The following CSMD1 variants were observed in gnomAD, a reference collection of about 807,000 sequenced individuals.
CSMD1 encodes the protein CUB and Sushi multiple domains 1, also known as CUB and sushi domain-containing protein 1.
A neutral mutation model predicts 417.5 loss-of-function variants in CSMD1; 213 were observed. The ratio of observed to expected loss-of-function variants is 0.51; its 90% CI spans 0.46 to 0.57. The LOEUF is 0.57. CSMD1 is among the 20% of genes least tolerant of loss of function. CSMD1 has a pLI of 0.00. For missense variants in CSMD1, 6,923 were observed against 4,529.7 expected (o/e 1.53, Z -15.17); for synonymous variants, 2,862 against 1,736.8 (o/e 1.65, Z -16.11).
At chr8:4,930,128 A>C (rs887922549) in intron 1 of CSMD1, among the ~76,000 whole-genome samples, 1 of 152,156 alleles carries the variant, frequency 6.6e-6, no homozygotes, top group African/African-American at 2.4e-5. Context: ...CCTTACATCA[A>C]TTGCGTTGAT....
chr8:3,340,839 C>T (rs1434850445), intron 23 of CSMD1, among the ~76,000 whole-genome samples: 52 of 152,058 alleles, frequency 3.4e-4, no homozygotes, highest in Non-Finnish European at 2.9e-5. Context: ...GCAAAGGAGA[C>T]CTGAGGAGTC....
chr8:3,764,690 C>G (rs374128571), intron 5 of CSMD1, among the ~76,000 whole-genome samples: 1 of 151,650 alleles, frequency 6.6e-6, no homozygotes. Flanking sequence ...GCAGTAATCA[C>G]CTGAAAATTC....
chr8:3,267,122 C>T (rs965216347), intron 26 of CSMD1, among the ~76,000 whole-genome samples: 1 of 152,048 alleles, frequency 6.6e-6, no homozygotes. Context: ...GAGGCTTCCA[C>T]CCAGAGGTCG....
intron 7 of CSMD1, among the ~76,000 whole-genome samples, chr8:3,682,176 C>A (rs999459707): frequency 1.3e-5 from 2 of 152,034 alleles, no homozygotes; most frequent in African/African-American, 2.4e-5. Flanking sequence ...GCAACAAAAG[C>A]CAAAATTGAC....
chr8:4,412,440 C>T (rs557627521), intron 3 of CSMD1, among the ~76,000 whole-genome samples: 2 of 152,116 alleles, frequency 1.3e-5, no homozygotes, highest in South Asian at 4.1e-4. Flanking sequence ...GGAAGCTTCC[C>T]GAGGCCTCAA....
At chr8:4,773,453 C>T (rs181712679) in intron 1 of CSMD1, among the ~76,000 whole-genome samples, 54 of 152,228 alleles carry the variant, frequency 3.5e-4, no homozygotes, top group Non-Finnish European at 1.2e-4. Flanking sequence ...GGCCTGTGCA[C>T]CCCAGAGCAG....
In CSMD1 at chr8:3,519,465, C is replaced by A. The variant is rs150082821; in HGVS notation, c.1345-25739G>T. 6.8e-3 allele frequency among the ~76,000 whole-genome samples: 1,031 copies of A among 152,254 alleles called. 12 individuals are homozygous for A. The highest frequency in any genetic ancestry group is 0.023 in the African/African-American group (958 of 41,552). ...TTTCTTGATCATCTGAGAGGAAACA[C>A]AGGCTCACAATTGAGACTACATTCA... On this transcript the variant is annotated intron_variant, in intron 10 of 69. Transcript: ENST00000635120.
intron 21 of CSMD1, among the ~76,000 whole-genome samples, chr8:3,356,011 G>T (rs1808759305): frequency 6.6e-6 from 1 of 152,072 alleles, no homozygotes; most frequent in South Asian, 2.1e-4. Context: ...TAATAAAAAA[G>T]TTTCCATCTC....
At chr8:4,973,604 C>G (rs997862584) in intron 1 of CSMD1, among the ~76,000 whole-genome samples, 4 of 152,158 alleles carry the variant, frequency 2.6e-5, no homozygotes, top group Non-Finnish European at 4.4e-5. Flanking sequence ...TTAAAGTGTT[C>G]TCTAATTTCG....
intron 43 of CSMD1, among the ~76,000 whole-genome samples, chr8:3,109,820 G>C (rs1247581136): frequency 6.7e-6 from 1 of 149,112 alleles, no homozygotes; most frequent in Non-Finnish European, 1.5e-5. Flanking sequence ...AAGCCACACA[G>C]ACATACACAA....
At chr8:4,551,736 G>A (rs1797879118) in intron 2 of CSMD1, among the ~76,000 whole-genome samples, 1 of 152,094 alleles carries the variant, frequency 6.6e-6, no homozygotes, top group Non-Finnish European at 1.5e-5. Context: ...CCAGGCTGGA[G>A]TCCAGTGGTA....
At chr8:3,152,916 G>T (rs1186661146) in intron 39 of CSMD1, among the ~76,000 whole-genome samples, 2 of 152,168 alleles carry the variant, frequency 1.3e-5, no homozygotes, top group East Asian at 3.9e-4. Context: ...GGGCTCGTGG[G>T]ACCTGCAGTG....
chr8:3,537,460 T>C (rs781758760), intron 10 of CSMD1, among the ~76,000 whole-genome samples: 112 of 152,322 alleles, frequency 7.4e-4, no homozygotes, highest in South Asian at 6.2e-4. Context: ...AATTGTAACA[T>C]AATAAAATAT....
intron 1 of CSMD1, among the ~76,000 whole-genome samples, chr8:4,676,279 A>G (rs1805676631): frequency 6.6e-6 from 1 of 152,086 alleles, no homozygotes; most frequent in African/African-American, 2.4e-5. Flanking sequence ...TCTATATATT[A>G]AGATAAATTA....
At chr8:4,280,013 C>G (rs915801599) in intron 3 of CSMD1, among the ~76,000 whole-genome samples, 2 of 152,256 alleles carry the variant, frequency 1.3e-5, no homozygotes, top group African/African-American at 4.8e-5. Context: ...CTATCTGCTG[C>G]TTCCTTCCCA....
chr8:3,802,401 C>T (rs1422564338), intron 5 of CSMD1, among the ~76,000 whole-genome samples: 2 of 152,124 alleles, frequency 1.3e-5, no homozygotes, highest in Non-Finnish European at 2.9e-5. Flanking sequence ...AATGTTGCAT[C>T]ATTTTCAAAC....
chr8:4,104,177 T>C (rs1028311495), intron 3 of CSMD1, among the ~76,000 whole-genome samples: 2 of 152,238 alleles, frequency 1.3e-5, no homozygotes, highest in Non-Finnish European at 2.9e-5. Context: ...TTCACTGGAA[T>C]TTAGTTCATT....
intron 5 of CSMD1, among the ~76,000 whole-genome samples, chr8:3,938,200 T>G (rs977293126): frequency 2.0e-5 from 3 of 152,152 alleles, no homozygotes; most frequent in African/African-American, 7.2e-5. Context: ...CTGTCATTTT[T>G]GGGTAACATC....
intron 3 of CSMD1, among the ~76,000 whole-genome samples, chr8:4,125,805 C>T (rs987228388): frequency 2.0e-5 from 3 of 152,146 alleles, no homozygotes; most frequent in Non-Finnish European, 4.4e-5. Context: ...CAATTGATAA[C>T]AGCCCAAGAA....
Sources: gnomAD v4.1 joint callset for allele counts (sites outside exome capture counted in the v4.1 genomes callset) on GRCh38, gnomAD v4.1.1 for gene constraint, MANE v1.5 for transcripts, NCBI Gene and HGNC (gene_info 2026-07-23, HGNC 2026-07-21) for gene names.